The following MYO15B variants were observed in gnomAD, a reference collection of about 807,000 sequenced individuals.
MYO15B encodes the protein myosin XVB pseudogene.
Under a neutral mutation model 119.3 loss-of-function variants are expected in MYO15B, and 207 were observed. That is an observed-to-expected ratio of 1.73 (90% CI 1.55 to 1.95). The LOEUF is 1.95. Ranked by LOEUF, MYO15B falls within the 30% of genes most tolerant of loss-of-function variation. The pLI, the probability that MYO15B is intolerant of heterozygous loss-of-function variation, is 0.00. For missense variants in MYO15B, 2,264 were observed against 1,203.1 expected (o/e 1.88, Z -13.04); for synonymous variants, 966 against 498.9 (o/e 1.94, Z -12.48).
exon 16 of MYO15B, chr17:75,602,548 A>G: frequency 1.4e-6 from 1 of 699,382 alleles, no homozygotes; most frequent in Non-Finnish European, 2.6e-6. Flanking sequence ...AACCGGGATC[A>G]GCTGGACCCT....
At chr17:75,626,814 A>G in exon 64 of MYO15B, 1 of 471,748 alleles carries the variant, frequency 2.1e-6, no homozygotes, top group Non-Finnish European at 3.8e-6. Flanking sequence ...GCATGGGAGA[A>G]ACAGCTGCTG....
exon 18 of MYO15B, chr17:75,603,068 C>T: frequency 2.8e-6 from 2 of 703,376 alleles, no homozygotes; most frequent in South Asian, 1.5e-5. Context: ...TCACCCCTAA[C>T]CCTGGAAAGG....
chr17:75,593,138 T>C (rs2056586596), intron 9 of MYO15B: 2 of 228,960 alleles, frequency 8.7e-6, no homozygotes, highest in Non-Finnish European at 1.6e-5. Context: ...GGCAGGAGGA[T>C]CGTGTGAAGC....
At chr17:75,614,086 C>A (rs972688188) in intron 29 of MYO15B, 113 bp from the exon 30 acceptor site, 1 of 637,076 alleles carries the variant, frequency 1.6e-6, no homozygotes, top group Non-Finnish European at 2.9e-6. Flanking sequence ...CCGGACCAGG[C>A]GGATCCAGGG....
chr17:75,624,357 C>G lies in MYO15B; in HGVS notation c.8368-13C>G, dbSNP rs529435062. ...GACCACTGGCCGACTGACCCTGCAA[C>G]CTGCCTTGGCAGAAAGGACAAGCGA... On this transcript the variant is annotated splice_polypyrimidine_tract_variant and intron_variant, in intron 56 of 63. Transcript: ENST00000645453. The G allele has an allele frequency of 5.9e-4, 414 of 702,512 alleles. No homozygotes were observed. Among genetic ancestry groups the G allele is most frequent in the Non-Finnish European group, 9.7e-4 (375 of 384,998 alleles). The allele number at this position is 702,512 out of a possible 1,614,324, so 43.5% of individuals were successfully genotyped here.
At position 75,601,430 on chromosome 17, in the gene MYO15B, T is replaced by C. The variant is rs1598767679; in HGVS notation, c.3526-8T>C. On this transcript the variant is annotated splice_polypyrimidine_tract_variant and splice_region_variant and intron_variant, in intron 14 of 63. Transcript: ENST00000645453. The stretch of plus-strand genomic sequence containing the variant: ...AGGCGTGAAGGGAGCTCATGGCTCC[T>C]CTCCTAGGCCACGGACCACACCTTC... 1 of 702,882 alleles carries C rather than the reference T, an allele frequency of 1.4e-6. No individual in the cohort carries two copies. The highest frequency in any genetic ancestry group is 2.7e-5 in the East Asian group (1 of 37,282). The allele number at this position is 702,882 out of a possible 1,614,324, so 43.5% of individuals were successfully genotyped here.
chr17:75,619,715 T>C, exon 46 of MYO15B: 2 of 702,854 alleles, frequency 2.8e-6, no homozygotes, highest in Non-Finnish European at 5.2e-6. Flanking sequence ...CTGTTAGCCG[T>C]GTCCCACCGT....
chr17:75,599,103 G>T (rs966421813), intron 14 of MYO15B, among the ~76,000 whole-genome samples: 3 of 152,070 alleles, frequency 2.0e-5, no homozygotes, highest in African/African-American at 7.2e-5. Flanking sequence ...TCCCTATGTT[G>T]CCCAGGCTGG....
chr17:75,594,969 T>G, exon 12 of MYO15B: 1 of 703,006 alleles, frequency 1.4e-6, no homozygotes. Context: ...CCTACGGCTT[T>G]GAGGTCACCC....
chr17:75,625,778 A>G, intron 61 of MYO15B, 66 bp from the exon 62 acceptor site: 1 of 701,040 alleles, frequency 1.4e-6, no homozygotes, highest in Non-Finnish European at 2.6e-6. Context: ...GACCTGGGGG[A>G]CCAAGCAGAG....
In MYO15B at chr17:75,589,154, G is replaced by A. The variant is rs976438162; in HGVS notation, c.1097G>A (p.Arg366Gln). The A allele has an allele frequency of 2.6e-6, 1 of 391,792 alleles. No homozygotes were observed. The highest frequency in any genetic ancestry group is 4.5e-6 in the Non-Finnish European group (1 of 221,674). The allele number at this position is 391,792 out of a possible 1,614,324, so 24.3% of individuals were successfully genotyped here. A position where few individuals can be genotyped will look rare whatever the true frequency, so the allele number is the denominator to read the frequency against. ...CCCCGCCGCGCTGGCCTCAAGGAGC[G>A]GCTCCTGAGTGTAGCGCGAGCCCTG... is the stretch of plus-strand genomic sequence containing the variant. The change falls in exon 1 of 64, where the codon CGG becomes CAG. Residue 366 changes from arginine (R) to glutamine (Q), a missense_variant. By Grantham distance (43) the Arg-to-Gln change is conservative (BLOSUM62 1). Coordinates refer to ENST00000645453, the Ensembl canonical transcript of MYO15B. The surrounding 1 kb of genome is among the most constrained non-coding windows in gnomAD (Gnocchi z 4.2).
chr17:75,622,517 G>A (rs916749387), intron 53 of MYO15B, among the ~76,000 whole-genome samples: 2 of 152,190 alleles, frequency 1.3e-5, no homozygotes, highest in African/African-American at 4.8e-5. Context: ...CGGATGGTGG[G>A]TCCAGGCCAC....
In MYO15B at chr17:75,594,595, C is replaced by T. The variant is rs1483245803; in HGVS notation, c.3105+7C>T. On this transcript the variant is annotated splice_region_variant and intron_variant, in intron 10 of 63. Coordinates refer to ENST00000645453, the Ensembl canonical transcript of MYO15B. The stretch of plus-strand genomic sequence containing the variant: ...TGTCACCAGGAGGGTCACGGTGAGC[C>T]CGAGGGTCCTGGGGAGAGGGGCCTG... 2 of 677,010 alleles carry T rather than the reference C, an allele frequency of 3.0e-6. No individual in the cohort carries two copies. The highest frequency in any genetic ancestry group is 5.4e-6 in the Non-Finnish European group (2 of 371,316). The allele number at this position is 677,010 out of a possible 1,614,324, so 41.9% of individuals were successfully genotyped here.
At chr17:75,616,344 C>T in exon 38 of MYO15B, 2 of 609,670 alleles carry the variant, frequency 3.3e-6, no homozygotes, top group South Asian at 2.0e-5. Flanking sequence ...GACGATGAAG[C>T]CCCCGGCCAA....
exon 47 of MYO15B, chr17:75,619,981 C>T (rs772140104): frequency 6.3e-5 from 44 of 702,668 alleles, no homozygotes; most frequent in South Asian, 1.2e-4. Context: ...CAAGGGCCAT[C>T]GAGGCGCTGG....
At chr17:75,599,035 G>A (rs376578630) in intron 14 of MYO15B, among the ~76,000 whole-genome samples, 2 of 152,056 alleles carry the variant, frequency 1.3e-5, no homozygotes, top group African/African-American at 2.4e-5. Flanking sequence ...GTAAAATAAC[G>A]TCCAACTAAA....
At chr17:75,617,232 A>C in exon 41 of MYO15B, 1 of 697,614 alleles carries the variant, frequency 1.4e-6, no homozygotes. Flanking sequence ...TATTGCCCAC[A>C]CACCCCCACC....
intron 28 of MYO15B, 22 bp from the exon 29 acceptor site, chr17:75,613,683 C>T (rs983936221): frequency 1.4e-6 from 1 of 700,752 alleles, no homozygotes; most frequent in Non-Finnish European, 2.6e-6. Flanking sequence ...CACTCTTGCC[C>T]CCGCCCCCCA....
rs551635509 is a variant in MYO15B at position 75,607,821 on chromosome 17, C to T, written c.4292+1800C>T. Among the ~76,000 whole-genome samples the T allele has an allele frequency of 2.8e-3, 425 of 152,164 alleles. 2 individuals carry two copies. The highest frequency in any genetic ancestry group is 3.6e-3 in the Non-Finnish European group (247 of 68,014). ...CCAAGGAGTGAAAGTGCTGGTAATT[C>T]TATCATATGGTAATTCTATGTTTAA... On this transcript the variant is annotated intron_variant, in intron 21 of 63. Coordinates refer to ENST00000645453, the Ensembl canonical transcript of MYO15B.
Sources: gnomAD v4.1 joint callset for allele counts (sites outside exome capture counted in the v4.1 genomes callset) on GRCh38, gnomAD v4.1.1 for gene constraint, Gnocchi (gnomAD v3.1) non-coding constraint, MANE v1.5 for transcripts, NCBI Gene and HGNC (gene_info 2026-07-23, HGNC 2026-07-21) for gene names.